The following SOX5 variants were observed in gnomAD, a reference collection of about 807,000 sequenced individuals.
SOX5 encodes SRY-box transcription factor 5.
A neutral mutation model predicts 92.0 loss-of-function variants in SOX5; 9 were observed. The observed-to-expected ratio is 0.10, with a 90% CI of 0.06 to 0.17. The LOEUF (loss-of-function observed/expected upper bound fraction) is 0.17, where lower values mean the gene tolerates loss of function less well. SOX5 is among the 10% of genes least tolerant of loss of function. SOX5 has a pLI of 1.00. For missense variants in SOX5, 642 were observed against 944.5 expected (o/e 0.68, Z 4.20); for synonymous variants, 344 against 336.3 (o/e 1.02, Z -0.25).
At chr12:23,594,200 G>GAA (rs113314459) in intron 9 of SOX5, among the ~76,000 whole-genome samples, 2 of 144,514 alleles carry the variant, frequency 1.4e-5, no homozygotes, top group Non-Finnish European at 1.5e-5. Context: ...AATGAATCTG[G>GAA]AAAAAAAAAA....
At chr12:23,588,881 T>G (rs1269506699) in intron 9 of SOX5, among the ~76,000 whole-genome samples, 2 of 152,006 alleles carry the variant, frequency 1.3e-5, no homozygotes, top group Non-Finnish European at 2.9e-5. Flanking sequence ...CTTTTCTATG[T>G]TTAGATACAC....
At chr12:23,754,948 T>G (rs148194644) in intron 4 of SOX5, among the ~76,000 whole-genome samples, 2 of 150,496 alleles carry the variant, frequency 1.3e-5, no homozygotes, top group African/African-American at 5.0e-5. Context: ...GAACTCAGAA[T>G]CTTAAGTGTC....
intron 1 of SOX5, among the ~76,000 whole-genome samples, chr12:23,898,741 G>C (rs2097202036): frequency 6.6e-6 from 1 of 152,164 alleles, no homozygotes; most frequent in Non-Finnish European, 1.5e-5. Context: ...GATGCCGGAA[G>C]GCAACTGATC....
intron 3 of SOX5, among the ~76,000 whole-genome samples, chr12:23,764,278 A>C (rs2094644828): frequency 6.6e-6 from 1 of 152,038 alleles, no homozygotes; most frequent in Non-Finnish European, 1.5e-5. Context: ...AGTTGTAATA[A>C]CTCTGTTATT....
intron 1 of SOX5, among the ~76,000 whole-genome samples, chr12:24,372,168 G>T (rs545047609): frequency 2.6e-5 from 4 of 152,156 alleles, no homozygotes; most frequent in Admixed American, 1.3e-4. Flanking sequence ...AAGTTCTGGG[G>T]TACATGTGCA....
intron 1 of SOX5, among the ~76,000 whole-genome samples, chr12:24,529,176 T>C (rs934060627): frequency 6.6e-6 from 1 of 152,174 alleles, no homozygotes; most frequent in African/African-American, 2.4e-5. Context: ...ACAAGCCCAG[T>C]TACTACACAG....
intron 1 of SOX5, among the ~76,000 whole-genome samples, chr12:23,920,804 A>G (rs568187851): frequency 6.6e-6 from 1 of 152,300 alleles, no homozygotes; most frequent in East Asian, 1.9e-4. Context: ...TTTGTATAAT[A>G]TATGTATGCA....
chr12:23,827,745 C>T (rs1331986150), intron 3 of SOX5, among the ~76,000 whole-genome samples: 2 of 152,116 alleles, frequency 1.3e-5, no homozygotes, highest in Admixed American at 1.3e-4. Context: ...CTTTAAAATA[C>T]TAAATGTGAT....
chr12:24,510,322 A>G (rs1183769881), intron 1 of SOX5, among the ~76,000 whole-genome samples: 2 of 152,254 alleles, frequency 1.3e-5, no homozygotes, highest in African/African-American at 4.8e-5. Flanking sequence ...GCGGATAAAT[A>G]CACATCAACC....
At chr12:23,650,971 G>C (rs1400396333) in intron 7 of SOX5, among the ~76,000 whole-genome samples, 1 of 152,072 alleles carries the variant, frequency 6.6e-6, no homozygotes, top group East Asian at 1.9e-4. Flanking sequence ...GCAGAGAATA[G>C]CTTTGGGAGA....
At chr12:24,140,358 G>C (rs1016360131) in intron 4 of SOX5, among the ~76,000 whole-genome samples, 3 of 152,118 alleles carry the variant, frequency 2.0e-5, no homozygotes, top group Admixed American at 6.5e-5. Context: ...GGCATGATGA[G>C]TGATGTGTTC....
chr12:24,266,233 A>G (rs1200229225), intron 3 of SOX5, among the ~76,000 whole-genome samples: 1 of 152,122 alleles, frequency 6.6e-6, no homozygotes, highest in Non-Finnish European at 1.5e-5. Flanking sequence ...CATTTTTAAT[A>G]AACAGGTTTT....
intron 4 of SOX5, among the ~76,000 whole-genome samples, chr12:24,054,105 C>T (rs1957865724): frequency 6.6e-6 from 1 of 152,194 alleles, no homozygotes; most frequent in African/African-American, 2.4e-5. Flanking sequence ...CATTAAAGAA[C>T]ACAGACTTCT....
chr12:24,002,039 T>A (rs574935129), intron 4 of SOX5, among the ~76,000 whole-genome samples: 2 of 152,132 alleles, frequency 1.3e-5, no homozygotes, highest in Non-Finnish European at 2.9e-5. Flanking sequence ...ATGAAATTCA[T>A]TGGATACAGC....
At chr12:23,736,099 C>G (rs1007357400) in intron 5 of SOX5, among the ~76,000 whole-genome samples, 1 of 151,802 alleles carries the variant, frequency 6.6e-6, no homozygotes, top group East Asian at 1.9e-4. Flanking sequence ...ACTTATCACT[C>G]TCTTATAAAT....
Position 24,365,176 on chromosome 12 carries a change from CTTTA to C in SOX5, c.-174+3383_-174+3386del, listed in dbSNP as rs141666993. 5.1e-3 allele frequency among the ~76,000 whole-genome samples: 779 copies of C among 152,192 alleles called. 11 individuals are homozygous for C. Among genetic ancestry groups the C allele is most frequent in the Admixed American group, 0.037 (573 of 15,282 alleles). On this transcript the variant is annotated intron_variant, in intron 2 of 4. Coordinates refer to the SOX5 transcript ENST00000446891. ...GACAAAAGGTGACACACTGTAACGT[CTTTA>C]TTTAACATATTTATTCTTCAAAAAT... is the stretch of plus-strand genomic sequence containing the variant.
At chr12:23,846,267 T>C in intron 2 of SOX5, 74 bp from the exon 3 acceptor site, 1 of 1,186,292 alleles carries the variant, frequency 8.4e-7, no homozygotes, top group South Asian at 1.3e-5. Flanking sequence ...ATTGTTTACC[T>C]GAAAGAGAAA....
chr12:24,475,974 C>T (rs79817745), intron 1 of SOX5, among the ~76,000 whole-genome samples: 5 of 148,878 alleles, frequency 3.4e-5, no homozygotes, highest in African/African-American at 5.0e-5. Context: ...AGAGCAAGAC[C>T]CTGTCTCCGA....
rs1943966036 is a variant in SOX5 at position 24,464,254 on chromosome 12, A to T, written c.-250-95615T>A. Among the ~76,000 whole-genome samples, 4 of 152,208 alleles carry T rather than the reference A, an allele frequency of 2.6e-5. No homozygotes were observed. In the East Asian group the frequency reaches 5.8e-4, roughly 22 times the overall value. On this transcript the variant is annotated intron_variant, in intron 1 of 4. Transcript: ENST00000446891. ...TACACACACACAAACACTGATATTC[A>T]GTGTTTTGAAATGTGAAGCTTGTGT...
Sources: allele counts gnomAD v4.1 joint callset (sites outside exome capture counted in the v4.1 genomes callset), GRCh38; gene constraint gnomAD v4.1.1; transcripts MANE v1.5; gene names NCBI Gene and HGNC (gene_info 2026-07-23, HGNC 2026-07-21).